INPP5A: variants seen among roughly 807,000 people sequenced by gnomAD.
The protein encoded by INPP5A is 43 kDa inositol polyphosphate 5-phophatase.
Under a neutral mutation model 65.2 loss-of-function variants are expected in INPP5A, and 14 were observed. That is an observed-to-expected ratio of 0.21 (90% CI 0.14 to 0.34). The LOEUF is 0.34. Among genes scored for constraint, INPP5A ranks in the 10% least tolerant of loss-of-function variants. The pLI, the probability that INPP5A is intolerant of heterozygous loss-of-function variation, is 1.00. For missense variants in INPP5A, 431 were observed against 545.6 expected (o/e 0.79, Z 2.09); for synonymous variants, 207 against 208.3 (o/e 0.99, Z 0.05).
chr10:132,681,674 A>G (rs939058547), intron 4 of INPP5A, among the ~76,000 whole-genome samples: 3 of 152,222 alleles, frequency 2.0e-5, no homozygotes, highest in African/African-American at 7.2e-5. Context: ...CACTGTGAAC[A>G]TTGAGGTGAT....
At chr10:132,685,947 A>G (rs974568569) in intron 4 of INPP5A, among the ~76,000 whole-genome samples, 6 of 152,222 alleles carry the variant, frequency 3.9e-5, no homozygotes, top group African/African-American at 1.4e-4. Flanking sequence ...TAGCATTTGT[A>G]AATACTCCAT....
At chr10:132,759,447 A>C (rs369035501) in intron 11 of INPP5A, among the ~76,000 whole-genome samples, 1 of 152,234 alleles carries the variant, frequency 6.6e-6, no homozygotes, top group Non-Finnish European at 1.5e-5. Flanking sequence ...GGAATGGTTC[A>C]GAAACACCTC....
chr10:132,746,510 C>T (rs771690509), intron 9 of INPP5A, among the ~76,000 whole-genome samples: 3 of 152,212 alleles, frequency 2.0e-5, no homozygotes, highest in Non-Finnish European at 4.4e-5. Context: ...CAGCCTTTCT[C>T]CTGGGCTGAC....
At chr10:132,541,635 T>TA (rs1564909638) in intron 1 of INPP5A, among the ~76,000 whole-genome samples, 2 of 152,360 alleles carry the variant, frequency 1.3e-5, no homozygotes, top group South Asian at 4.1e-4. Context: ...CTCACTGCAC[T>TA]AGCTGGCAGA....
chr10:132,640,270 C>T (rs898611415), intron 2 of INPP5A, among the ~76,000 whole-genome samples: 2 of 152,268 alleles, frequency 1.3e-5, no homozygotes, highest in East Asian at 1.9e-4. Flanking sequence ...CCTCACTGCT[C>T]AGAGCCTCTG....
intron 4 of INPP5A, among the ~76,000 whole-genome samples, chr10:132,689,335 C>T (rs1279885642): frequency 1.3e-5 from 2 of 152,194 alleles, no homozygotes; most frequent in Admixed American, 6.5e-5. Context: ...CAGCTGCGCC[C>T]GTGTGCCCTC....
chr10:132,708,192 C>T (rs924148940), intron 6 of INPP5A, 121 bp from the exon 7 acceptor site: 96 of 817,798 alleles, frequency 1.2e-4, no homozygotes, highest in Middle Eastern at 7.7e-4. Flanking sequence ...GCATCAGTGC[C>T]GGAAGAGCCC....
rs1457994110 is a variant in INPP5A, at chr10:132,782,365, G to A, written c.*336G>A. ...TTTCAGTTTTTAATGATTGCCAGTG[G>A]AGGGGCTTCTTCAGCACAGAGACCC... On this transcript the variant is annotated 3_prime_UTR_variant, in exon 16 of 16. Transcript: ENST00000368594. The surrounding 1 kb of genome is among the most constrained non-coding windows in gnomAD (Gnocchi z 4.4). 1 of 332,028 alleles carries A rather than the reference G, an allele frequency of 3.0e-6. No homozygotes were observed. The highest frequency in any genetic ancestry group is 5.8e-6 in the Non-Finnish European group (1 of 171,610). 20.6% of individuals were successfully genotyped at this position (332,028 alleles called of 1,614,324 possible). A position where few individuals can be genotyped will look rare whatever the true frequency, so the allele number is the denominator to read the frequency against.
At chr10:132,726,423 C>T (rs538101024) in intron 8 of INPP5A, among the ~76,000 whole-genome samples, 23 of 152,170 alleles carry the variant, frequency 1.5e-4, no homozygotes, top group African/African-American at 3.6e-4. Flanking sequence ...CTGAGCTCTG[C>T]GGTGGATTAT....
At chr10:132,646,221 C>T (rs1010169984) in intron 3 of INPP5A, among the ~76,000 whole-genome samples, 1 of 152,180 alleles carries the variant, frequency 6.6e-6, no homozygotes, top group Non-Finnish European at 1.5e-5. Context: ...TGCTCTCGGG[C>T]CAGGGGACGT....
intron 1 of INPP5A, among the ~76,000 whole-genome samples, chr10:132,600,996 A>G (rs530323536): frequency 6.6e-6 from 1 of 152,324 alleles, no homozygotes; most frequent in Admixed American, 6.5e-5. Flanking sequence ...CATCAGGAAT[A>G]TAGCCAGCAG....
At chr10:132,645,811 A>T in intron 2 of INPP5A, 57 bp from the exon 3 acceptor site, 1 of 1,367,614 alleles carries the variant, frequency 7.3e-7, no homozygotes, top group Non-Finnish European at 1.0e-6. Context: ...GGGTGGTGCC[A>T]CGTGTGGCTC....
At chr10:132,763,952 G>A (rs1056593749) in intron 11 of INPP5A, among the ~76,000 whole-genome samples, 1 of 152,284 alleles carries the variant, frequency 6.6e-6, no homozygotes, top group Non-Finnish European at 1.5e-5. Flanking sequence ...CTGCCTTTGA[G>A]GAGGGGCATC....
Position 132,538,524 on chromosome 10 carries a change from A to G in INPP5A, c.75+353A>G, listed in dbSNP as rs1224113505. On this transcript the variant is annotated intron_variant, in intron 1 of 15. Coordinates refer to ENST00000368594, the MANE Select transcript of INPP5A (RefSeq NM_005539.5). The surrounding 1 kb of genome is among the most constrained non-coding windows in gnomAD (Gnocchi z 4.1). Reference sequence around the variant, plus strand: ...TTAAAACCCTGTCAGAACCCCTGTTAACAGTTCCTGGAACCCAAACCCCAG... The same window carrying G: ...TTAAAACCCTGTCAGAACCCCTGTTGACAGTTCCTGGAACCCAAACCCCAG... 1.3e-5 allele frequency among the ~76,000 whole-genome samples: 2 copies of G among 152,162 alleles called. No individual in the cohort carries two copies. Among genetic ancestry groups the G allele is most frequent in the African/African-American group, 4.8e-5 (2 of 41,440 alleles).
intron 11 of INPP5A, among the ~76,000 whole-genome samples, chr10:132,764,848 G>C (rs1386159996): frequency 7.3e-6 from 1 of 137,740 alleles, no homozygotes; most frequent in African/African-American, 2.8e-5. Flanking sequence ...TCAGAAACAC[G>C]GCCGGGTCAG....
At position 132,706,256 on chromosome 10, in the gene INPP5A, T is replaced by TA. The variant is rs1564973863; in HGVS notation, c.475-2053dup. On this transcript the variant is annotated intron_variant, in intron 6 of 15. Transcript: ENST00000368594. This position sits in a 1 kb window ranked among gnomAD's most constrained non-coding sequence, Gnocchi z 4.7. ...TTTTATTTTTATAGAAAGGAGCAGT[T>TA]AAAAGACATAAAGACTATTAAGAGG... 6.6e-6 allele frequency among the ~76,000 whole-genome samples: 1 copy of TA among 152,204 alleles called. No homozygotes were observed. The highest frequency in any genetic ancestry group is 1.5e-5 in the Non-Finnish European group (1 of 68,026).
chr10:132,646,203 A>G (rs2072491953), intron 3 of INPP5A, among the ~76,000 whole-genome samples: 1 of 152,134 alleles, frequency 6.6e-6, no homozygotes, highest in African/African-American at 2.4e-5. Context: ...CCACACGGCG[A>G]GGGTCTGTGC....
chr10:132,661,932 C>T (rs2072741578), intron 4 of INPP5A, among the ~76,000 whole-genome samples: 1 of 152,142 alleles, frequency 6.6e-6, no homozygotes, highest in Non-Finnish European at 1.5e-5. Context: ...TGATCTTTTC[C>T]ACAAAGGGTG....
At position 132,723,091 on chromosome 10, in the gene INPP5A, C is replaced by T. The variant is rs192992601; in HGVS notation, c.648-3730C>T. ...AAGCTGTTCTGTCAGCAGAGCAGGGCGAGGAAGTGTGATCCAGTTTAGGGT... is the reference window on the plus strand; with the variant it reads ...AAGCTGTTCTGTCAGCAGAGCAGGGTGAGGAAGTGTGATCCAGTTTAGGGT... On this transcript the variant is annotated intron_variant, in intron 8 of 15. Coordinates refer to ENST00000368594, the MANE Select transcript of INPP5A (RefSeq NM_005539.5). Among the ~76,000 whole-genome samples, 497 of 152,270 alleles carry T rather than the reference C, an allele frequency of 3.3e-3. 2 individuals are homozygous for T. The highest frequency in any genetic ancestry group is 0.011 in the African/African-American group (445 of 41,558).
Sources: allele counts gnomAD v4.1 joint callset (sites outside exome capture counted in the v4.1 genomes callset), GRCh38; gene constraint gnomAD v4.1.1; non-coding constraint Gnocchi (gnomAD v3.1); transcripts MANE v1.5; gene names NCBI Gene and HGNC (gene_info 2026-07-23, HGNC 2026-07-21).